Variants in ATG4D observed in about 807,000 individuals in gnomAD.
ATG4D encodes autophagy related 4D cysteine peptidase, also known as cysteine protease ATG4D.
Under a neutral mutation model 55.2 loss-of-function variants are expected in ATG4D, and 51 were observed. The observed-to-expected ratio is 0.92, with a 90% confidence interval of 0.74 to 1.17. The LOEUF (loss-of-function observed/expected upper bound fraction) is 1.17, where lower values mean the gene tolerates loss of function less well. Among genes scored for constraint, ATG4D ranks in the 50% most tolerant of loss-of-function variants. ATG4D has a pLI of 0.00. For synonymous variants in ATG4D, 268 were observed against 266.2 expected, an observed-to-expected ratio of 1.01 and a Z score of -0.07; for missense variants, 635 against 649.6, an observed-to-expected ratio of 0.98 and a Z score of 0.25.
intron 1 of ATG4D, 125 bp downstream of exon 1, chr19:10,544,450 G>A (rs953523579): frequency 3.1e-6 from 3 of 979,624 alleles, no homozygotes; most frequent in Non-Finnish European, 2.8e-6. Flanking sequence ...TCCCTGCCCG[G>A]CCCAGGGTGG....
intron 6 of ATG4D, 105 bp from the exon 7 acceptor site, chr19:10,551,792 T>C (rs1466914409): frequency 1.9e-6 from 2 of 1,027,346 alleles, no homozygotes; most frequent in East Asian, 5.1e-5. Context: ...TTTTGTGGTC[T>C]TGATCACTGC....
In ATG4D at chr19:10,547,022, C is replaced by G. The variant is rs974035822; in HGVS notation, c.677C>G (p.Pro226Arg). 1 of 1,587,870 alleles carries G rather than the reference C, an allele frequency of 6.3e-7. No individual in the cohort carries two copies. The highest frequency in any genetic ancestry group is 2.3e-5 in the East Asian group (1 of 43,924). The change falls in exon 4 of 10, where the codon CCC becomes CGC. Residue 226 changes from proline to arginine, a missense_variant. Transcript: ENST00000309469. ...TGGTTCGCCGACCACCCCCGGGCCC[C>G]CTTTGGCCTACACCGGCTGGTGGAG... ...VSWFADHPRA[P>R]FGLHRLVELG...
intron 6 of ATG4D, among the ~76,000 whole-genome samples, chr19:10,549,610 G>A (rs1916159379): frequency 6.6e-6 from 1 of 151,702 alleles, no homozygotes; most frequent in Non-Finnish European, 1.5e-5. Context: ...TAGAGACGGG[G>A]TTTCGCCATG....
At chr19:10,545,728 T>C (rs1365783009) in intron 3 of ATG4D, among the ~76,000 whole-genome samples, 2 of 151,142 alleles carry the variant, frequency 1.3e-5, no homozygotes, top group East Asian at 2.0e-4. Flanking sequence ...ATACAAAAAT[T>C]AGCTGGGTGT....
At chr19:10,546,768 G>A (rs1916041525) in intron 3 of ATG4D, 71 bp from the exon 4 acceptor site, 7 of 1,458,994 alleles carry the variant, frequency 4.8e-6, no homozygotes, top group African/African-American at 1.4e-5. Flanking sequence ...CATTGTGTGC[G>A]GTGCATGTGT....
intron 6 of ATG4D, chr19:10,550,903 G>C (rs1296234338): frequency 6.6e-6 from 1 of 151,826 alleles, no homozygotes; most frequent in African/African-American, 2.4e-5. Context: ...ATGGAGATGG[G>C]GTTTCATTGT....
At position 10,553,374 on chromosome 19, in the gene ATG4D, G is replaced by T. The variant is rs143912128; in HGVS notation, c.*307G>T. 6.7e-6 allele frequency: 2 copies of T among 300,102 alleles called. No individual in the cohort carries two copies. The highest frequency in any genetic ancestry group is 1.3e-5 in the Non-Finnish European group (2 of 159,946). 18.6% of individuals were successfully genotyped at this position (300,102 alleles called of 1,614,324 possible). A position where few individuals can be genotyped will look rare whatever the true frequency, so the allele number is the denominator to read the frequency against. ...GCCCTCCCTGTCCCAAAGCCCCCTTGGGGGAACTGTGGCTGCTGGGGGCCA... is the reference window on the plus strand; with the variant it reads ...GCCCTCCCTGTCCCAAAGCCCCCTTTGGGGAACTGTGGCTGCTGGGGGCCA... On this transcript the variant is annotated 3_prime_UTR_variant, in exon 10 of 10. Coordinates refer to ENST00000309469, the MANE Select transcript of ATG4D (RefSeq NM_032885.6).
At chr19:10,547,640 A>T (rs1413129338) in intron 5 of ATG4D, among the ~76,000 whole-genome samples, 5 of 149,988 alleles carry the variant, frequency 3.3e-5, no homozygotes, top group Non-Finnish European at 7.4e-5. Flanking sequence ...AAAAAAAAAA[A>T]AAAAAAAAGA....
At chr19:10,549,877 C>T (rs1043697885) in intron 6 of ATG4D, among the ~76,000 whole-genome samples, 6 of 152,200 alleles carry the variant, frequency 3.9e-5, no homozygotes, top group African/African-American at 1.4e-4. Context: ...GGCTATGTAA[C>T]CAAAGTAGCA....
chr19:10,552,430 C>T (rs1160719521), intron 9 of ATG4D, 106 bp downstream of exon 9: 2 of 1,409,530 alleles, frequency 1.4e-6, no homozygotes, highest in Non-Finnish European at 1.9e-6. Flanking sequence ...GTGCTGCTTC[C>T]AGGCTAGGGG....
chr19:10,552,338 A>C lies in ATG4D; in HGVS notation c.1242+14A>C. 6.2e-7 allele frequency: 1 copy of C among 1,607,108 alleles called. No individual in the cohort carries two copies. ...GAGCTGACCAGGGTGAGCAAGAGGA[A>C]AGCTGGAGTGGGGTGAGGGGGGCGG... On this transcript the variant is annotated intron_variant, in intron 9 of 9. Transcript: ENST00000309469.
intron 1 of ATG4D, 37 bp from the exon 2 acceptor site, chr19:10,544,746 C>T (rs1479823961): frequency 6.2e-7 from 1 of 1,611,584 alleles, no homozygotes; most frequent in Non-Finnish European, 8.5e-7. Context: ...CATGCAAGTG[C>T]TTCATCTCGC....
intron 9 of ATG4D, among the ~76,000 whole-genome samples, chr19:10,552,553 G>A (rs1031377657): frequency 7.9e-5 from 12 of 152,178 alleles, no homozygotes; most frequent in African/African-American, 2.9e-4. Context: ...TCAAGTGGTG[G>A]GAACCCTCCC....
Position 10,552,049 on chromosome 19 carries a change from C to A in ATG4D, c.1050C>A (p.Asp350Glu). ...HSLYFIGYQD[D>E]FLLYLDPHYC... ...TCACACCTGCACCCCCTGCAGATGA[C>A]TTCCTGCTGTACCTGGACCCTCACT... Residue 350 changes from aspartate to glutamate, a missense_variant, in exon 8 of 10, where the codon GAC (aspartate) becomes GAA (glutamate). By Grantham distance (45) the Asp-to-Glu change is conservative. Transcript: ENST00000309469. 6.2e-7 allele frequency: 1 copy of A among 1,611,814 alleles called. No homozygotes were observed. The highest frequency in any genetic ancestry group is 8.5e-7 in the Non-Finnish European group (1 of 1,179,654).
intron 6 of ATG4D, among the ~76,000 whole-genome samples, chr19:10,550,216 C>G (rs1362005242): frequency 6.6e-6 from 1 of 151,998 alleles, no homozygotes; most frequent in African/African-American, 2.4e-5. Context: ...CCATGTTGGC[C>G]AGGCTGGTCT....
chr19:10,550,708 CTT>C (rs34184188), intron 6 of ATG4D, among the ~76,000 whole-genome samples: 26 of 100,046 alleles, frequency 2.6e-4, no homozygotes, highest in Non-Finnish European at 4.4e-4. Flanking sequence ...ATGCATGTGG[CTT>C]TTTTTTTTTT....
intron 6 of ATG4D, among the ~76,000 whole-genome samples, chr19:10,550,221 T>C (rs1916178474): frequency 1.3e-5 from 2 of 151,978 alleles, no homozygotes; most frequent in African/African-American, 2.4e-5. Context: ...TTGGCCAGGC[T>C]GGTCTTGAAC....
rs975305931 is a variant in ATG4D at position 10,547,887 on chromosome 19, G to A, written c.835+634G>A. On this transcript the variant is annotated intron_variant, in intron 5 of 9. Coordinates refer to ENST00000309469, the MANE Select transcript of ATG4D (RefSeq NM_032885.6). ...AATTTTTCTATTTTTAGTAGAGATGGGGTTTCACCATGTTGACAAGGCCGG... is the reference window on the plus strand; with the variant it reads ...AATTTTTCTATTTTTAGTAGAGATGAGGTTTCACCATGTTGACAAGGCCGG... 2.8e-5 allele frequency among the ~76,000 whole-genome samples: 4 copies of A among 143,476 alleles called. No individual in the cohort carries two copies. In the Admixed American group the frequency reaches 3.0e-4, roughly 11 times the overall value. 94.1% of individuals were successfully genotyped at this position (143,476 alleles called of 152,430 possible).
rs770463849 is a variant in ATG4D, at chr19:10,553,107, TTTTA to T, written c.*46_*49del. 4.1e-5 allele frequency: 63 copies of T among 1,546,614 alleles called. No individual in the cohort carries two copies. Among genetic ancestry groups the T allele is most frequent in the South Asian group, 2.1e-4 (18 of 86,628 alleles). ...GGGAAAGATACAACACTATTTATTT[TTTTA>T]TTTATGTCATGTCGGGTGTGGGATC... On this transcript the variant is annotated 3_prime_UTR_variant, in exon 10 of 10. Transcript: ENST00000309469.
Sources: allele counts gnomAD v4.1 joint callset (sites outside exome capture counted in the v4.1 genomes callset), GRCh38; gene constraint gnomAD v4.1.1; transcripts MANE v1.5; gene names NCBI Gene and HGNC (gene_info 2026-07-23, HGNC 2026-07-21).